MPDZ: variants seen among roughly 807,000 people sequenced by gnomAD.
MPDZ encodes multiple PDZ domain protein.
A neutral mutation model predicts 239.1 loss-of-function variants in MPDZ; 234 were observed. The ratio of observed to expected loss-of-function variants is 0.98; its 90% confidence interval spans 0.88 to 1.09. The LOEUF is 1.09. MPDZ is among the 50% of genes least tolerant of loss of function. MPDZ has a pLI of 0.00. For synonymous variants in MPDZ, 1,048 were observed against 881.3 expected (o/e 1.19, Z -3.35); for missense variants, 3,175 against 2,510.0 (o/e 1.26, Z -5.66).
intron 2 of MPDZ, among the ~76,000 whole-genome samples, chr9:13,249,312 C>T (rs1208756908): frequency 5.9e-5 from 9 of 152,088 alleles, no homozygotes; most frequent in African/African-American, 2.4e-5. Context: ...AGAATAAAGA[C>T]TAGAAAACAA....
rs1288216260 is a variant in MPDZ at position 13,188,888 on chromosome 9, C to T, written c.2260G>A (p.Val754Ile). The T allele has an allele frequency of 2.5e-6, 4 of 1,613,420 alleles. No homozygotes were observed. Among genetic ancestry groups the T allele is most frequent in the Non-Finnish European group, 3.4e-6 (4 of 1,179,584 alleles). ...RLLPGDRLMF[V>I]NDVNLENSSL... Reference sequence around the variant, plus strand: ...CTGTTTTCCAAGTTAACATCGTTTACAAACATGAGTCGGTCACCAGGAAGA... The same window carrying T: ...CTGTTTTCCAAGTTAACATCGTTTATAAACATGAGTCGGTCACCAGGAAGA... The change falls in exon 17 of 47, where the codon GTA (valine) becomes ATA (isoleucine). Residue 754 changes from valine to isoleucine, a missense_variant. By Grantham distance (29) the Val-to-Ile change is conservative. Transcript: ENST00000319217.
Position 13,250,335 on chromosome 9 carries a change from T to C in MPDZ, c.-20A>G. 2 of 1,581,346 alleles carry C rather than the reference T, an allele frequency of 1.3e-6. No individual in the cohort carries two copies. Among genetic ancestry groups the C allele is most frequent in the South Asian group, 1.2e-5 (1 of 86,676 alleles). On this transcript the variant is annotated 5_prime_UTR_variant, in exon 2 of 47. Transcript: ENST00000319217. ...CAACATTTTTTTCAAAGTTCAGTGTTCTTCTCTGAAATGATTAACAGCAAT... is the reference window on the plus strand; with the variant it reads ...CAACATTTTTTTCAAAGTTCAGTGTCCTTCTCTGAAATGATTAACAGCAAT...
intron 26 of MPDZ, among the ~76,000 whole-genome samples, chr9:13,145,731 T>G (rs995285142): frequency 6.6e-6 from 1 of 152,018 alleles, no homozygotes; most frequent in Non-Finnish European, 1.5e-5. Context: ...AAATCAGGTA[T>G]CATTATACCT....
intron 24 of MPDZ, among the ~76,000 whole-genome samples, chr9:13,156,133 A>T (rs550162679): frequency 5.5e-4 from 83 of 152,138 alleles, no homozygotes; most frequent in Non-Finnish European, 1.1e-3. Context: ...TGTGCCAGGC[A>T]CTCTGCTAAG....
Position 13,126,756 on chromosome 9 carries a change from C to A in MPDZ, c.4481G>T (p.Gly1494Val). ...TGTATCTTCTTCGCTGATAGCAATA[C>A]CCAAACCCCCCTGATCCTAGAAAAG... is the stretch of plus-strand genomic sequence containing the variant. Reference protein sequence around the residue: ...LELPKDQGGLGIAISEEDTLS... With the variant: ...LELPKDQGGLVIAISEEDTLS... The change falls in exon 33 of 47, where the codon GGT becomes GTT. Residue 1494 changes from glycine to valine, a missense_variant. Coordinates refer to ENST00000319217, the MANE Select transcript of MPDZ (RefSeq NM_001378778.1). 1 of 1,613,754 alleles carries A rather than the reference C, an allele frequency of 6.2e-7. No homozygotes were observed.
intron 41 of MPDZ, 28 bp from the exon 42 acceptor site, chr9:13,113,082 G>T (rs1449772342): frequency 2.0e-6 from 3 of 1,509,492 alleles, no homozygotes; most frequent in African/African-American, 1.4e-5. Context: ...ATAAAATAGG[G>T]TTATTTTATG....
chr9:13,228,014 T>C (rs1028614506), intron 3 of MPDZ, among the ~76,000 whole-genome samples: 1 of 152,178 alleles, frequency 6.6e-6, no homozygotes, highest in South Asian at 2.1e-4. Flanking sequence ...GTGTATCTTA[T>C]TTGCCTTGAT....
At chr9:13,141,935 A>G (rs1310353258) in intron 27 of MPDZ, among the ~76,000 whole-genome samples, 1 of 152,178 alleles carries the variant, frequency 6.6e-6, no homozygotes. Flanking sequence ...TGTGCCATAA[A>G]TGTCTCAAAT....
rs1436525952 is a variant in MPDZ, at chr9:13,119,522, C to A, written c.5359G>T (p.Ala1787Ser). 2 of 1,612,514 alleles carry A rather than the reference C, an allele frequency of 1.2e-6. No individual in the cohort carries two copies. The highest frequency in any genetic ancestry group is 1.7e-6 in the Non-Finnish European group (2 of 1,179,364). The part of the protein sequence containing the change: ...GEDVRNATQE[A>S]VAALLKCSLG... ...TTTACCTTTAGCAAAGCGGCAACCG[C>A]TTCTTGGGTGGCATTACGAACGTCT... Residue 1787 changes from alanine (A) to serine (S), a missense_variant, in exon 39 of 47, where the codon GCG becomes TCG. Physicochemically the swap from Ala to Ser is moderately conservative, Grantham distance 99. Transcript: ENST00000319217.
intron 43 of MPDZ, among the ~76,000 whole-genome samples, chr9:13,111,530 C>T (rs1007709543): frequency 6.6e-6 from 1 of 152,162 alleles, no homozygotes; most frequent in Non-Finnish European, 1.5e-5. Context: ...AATTCCATTG[C>T]AATGCTCCAC....
intron 1 of MPDZ, among the ~76,000 whole-genome samples, chr9:13,269,689 T>C (rs1259801140): frequency 6.6e-6 from 1 of 152,236 alleles, no homozygotes; most frequent in Admixed American, 6.5e-5. Flanking sequence ...AAAGAATTCC[T>C]AGAGAGAACC....
At chr9:13,123,603 A>G (rs1944687796) in intron 35 of MPDZ, among the ~76,000 whole-genome samples, 1 of 152,160 alleles carries the variant, frequency 6.6e-6, no homozygotes, top group Admixed American at 6.5e-5. Context: ...AAGAAGAGAG[A>G]ACAGAATTAA....
chr9:13,176,332 T>C lies in MPDZ; in HGVS notation c.2735A>G (p.Gln912Arg). Residue 912 changes from glutamine to arginine, a missense_variant, in exon 20 of 47, where the codon CAG (glutamine) becomes CGG (arginine). Physicochemically the swap from Gln to Arg is conservative, Grantham distance 43. Coordinates refer to ENST00000319217, the MANE Select transcript of MPDZ (RefSeq NM_001378778.1). Reference protein sequence around the residue: ...ELYTQNLLQRQDENTPSVDIS... With the variant: ...ELYTQNLLQRRDENTPSVDIS... Reference sequence around the variant, plus strand: ...GTCCACCGAAGGTGTATTCTCATCCTGTCTTTGCAGGAGATTCTGGGTATA... The same window carrying C: ...GTCCACCGAAGGTGTATTCTCATCCCGTCTTTGCAGGAGATTCTGGGTATA... The C allele has an allele frequency of 5.0e-6, 8 of 1,608,894 alleles. No individual in the cohort carries two copies. The highest frequency in any genetic ancestry group is 6.8e-6 in the Non-Finnish European group (8 of 1,177,266).
intron 10 of MPDZ, among the ~76,000 whole-genome samples, chr9:13,211,395 C>A (rs1957602236): frequency 6.6e-6 from 1 of 152,056 alleles, no homozygotes; most frequent in Non-Finnish European, 1.5e-5. Context: ...TATAAGAAGT[C>A]AACACAAGAG....
intron 23 of MPDZ, 112 bp from the exon 24 acceptor site, chr9:13,158,222 C>A (rs188411042): frequency 2.8e-4 from 194 of 702,772 alleles, no homozygotes; most frequent in Non-Finnish European, 3.9e-4. Flanking sequence ...TATGTTTTCA[C>A]CATACATGGC....
At chr9:13,270,802 T>C (rs2139249989) in intron 1 of MPDZ, among the ~76,000 whole-genome samples, 1 of 152,252 alleles carries the variant, frequency 6.6e-6, no homozygotes, top group South Asian at 2.1e-4. Context: ...CTTGGGGTGT[T>C]TGATGATCTG....
At chr9:13,179,996 T>C (rs565125800) in intron 19 of MPDZ, among the ~76,000 whole-genome samples, 1 of 152,204 alleles carries the variant, frequency 6.6e-6, no homozygotes, top group Non-Finnish European at 1.5e-5. Context: ...TGAGATAAGG[T>C]ACACTTCCTT....
intron 13 of MPDZ, among the ~76,000 whole-genome samples, chr9:13,194,693 C>T (rs1955414999): frequency 6.6e-6 from 1 of 151,932 alleles, no homozygotes; most frequent in Admixed American, 6.6e-5. Flanking sequence ...GCACATGTAT[C>T]CTAGAACTTA....
At chr9:13,155,906 A>G (rs915980878) in intron 24 of MPDZ, among the ~76,000 whole-genome samples, 2 of 152,162 alleles carry the variant, frequency 1.3e-5, no homozygotes, top group Admixed American at 6.6e-5. Flanking sequence ...GATTTATGGA[A>G]TCTTTGGAGG....
Sources: allele counts gnomAD v4.1 joint callset (sites outside exome capture counted in the v4.1 genomes callset), GRCh38; gene constraint gnomAD v4.1.1; transcripts MANE v1.5; gene names NCBI Gene and HGNC (gene_info 2026-07-23, HGNC 2026-07-21).